Variants in RUFY1 observed in about 807,000 individuals in gnomAD.
The protein encoded by RUFY1 is RUN and FYVE domain-containing protein 1.
Under a neutral mutation model 94.6 loss-of-function variants are expected in RUFY1, and 54 were observed. The ratio of observed to expected loss-of-function variants is 0.57; its 90% confidence interval spans 0.46 to 0.72. RUFY1 has a LOEUF of 0.72. RUFY1 is among the 30% of genes least tolerant of loss of function. The pLI, the probability that RUFY1 is intolerant of heterozygous loss-of-function variation, is 0.00. For synonymous variants in RUFY1, 396 were observed against 347.3 expected (o/e 1.14, Z -1.56); for missense variants, 883 against 883.9 (o/e 1.00, Z 0.01).
chr5:179,591,218 CCT>C (rs1765063019), intron 9 of RUFY1, among the ~76,000 whole-genome samples: 1 of 150,338 alleles, frequency 6.7e-6, no homozygotes, highest in South Asian at 2.1e-4. Context: ...GGAGTCTTGC[CCT>C]GTCGCCCAGG....
At chr5:179,574,432 T>C (rs1763468563) in intron 5 of RUFY1, among the ~76,000 whole-genome samples, 1 of 152,022 alleles carries the variant, frequency 6.6e-6, no homozygotes, top group African/African-American at 2.4e-5. Context: ...AACTGGAAAA[T>C]AGCCTTCCTT....
At chr5:179,561,637 T>TTCATA (rs1762458668) in intron 2 of RUFY1, among the ~76,000 whole-genome samples, 1 of 151,444 alleles carries the variant, frequency 6.6e-6, no homozygotes, top group Non-Finnish European at 1.5e-5. Context: ...GGGGAAGAAT[T>TTCATA]TCATAGTAGA....
intron 8 of RUFY1, among the ~76,000 whole-genome samples, 167 bp downstream of exon 8, chr5:179,586,032 G>C (rs558491766): frequency 1.2e-4 from 19 of 152,278 alleles, no homozygotes; most frequent in African/African-American, 4.6e-4. Context: ...TGCTCTGTCC[G>C]AGGCTCCCAG....
chr5:179,562,420 A>G, intron 2 of RUFY1, 127 bp from the exon 3 acceptor site: 2 of 674,444 alleles, frequency 3.0e-6, no homozygotes, highest in Non-Finnish European at 5.4e-6. Flanking sequence ...AAGATTTTTA[A>G]AAAAGGATTA....
intron 14 of RUFY1, among the ~76,000 whole-genome samples, chr5:179,599,913 C>T (rs1050191737): frequency 2.0e-5 from 3 of 152,172 alleles, no homozygotes; most frequent in South Asian, 4.1e-4. Flanking sequence ...ACGATTCGAG[C>T]GAGTCAGGAA....
At chr5:179,594,822 G>C (rs757153712) in intron 11 of RUFY1, 44 bp from the exon 12 acceptor site, 1 of 1,216,710 alleles carries the variant, frequency 8.2e-7, no homozygotes, top group South Asian at 1.2e-5. Flanking sequence ...CAGGTGCAAG[G>C]ATGTGGGACA....
intron 3 of RUFY1, among the ~76,000 whole-genome samples, chr5:179,565,329 C>G (rs1762763453): frequency 6.6e-6 from 1 of 151,982 alleles, no homozygotes; most frequent in South Asian, 2.1e-4. Flanking sequence ...TAGGCATGAG[C>G]CACCACACCC....
intron 2 of RUFY1, among the ~76,000 whole-genome samples, chr5:179,561,641 T>C (rs564007769): frequency 1.3e-5 from 2 of 149,744 alleles, no homozygotes; most frequent in African/African-American, 2.4e-5. Flanking sequence ...AAGAATTTCA[T>C]AGTAGATGAG....
chr5:179,596,478 T>C (rs1013666697), intron 12 of RUFY1, 84 bp from the exon 13 acceptor site: 1 of 1,546,702 alleles, frequency 6.5e-7, no homozygotes, highest in East Asian at 2.2e-5. Context: ...TATGGTAATT[T>C]TAAAAATGAA....
At chr5:179,569,813 C>T (rs547484412) in intron 5 of RUFY1, among the ~76,000 whole-genome samples, 33 of 152,102 alleles carry the variant, frequency 2.2e-4, no homozygotes, top group African/African-American at 8.0e-4. Flanking sequence ...GGCGCGATCT[C>T]GGCTCCCTGC....
chr5:179,576,567 C>A (rs767907455), intron 5 of RUFY1, among the ~76,000 whole-genome samples: 1 of 152,126 alleles, frequency 6.6e-6, no homozygotes, highest in South Asian at 2.1e-4. Context: ...ATTACAGGCA[C>A]CTGCCACCAT....
chr5:179,567,438 T>C, intron 3 of RUFY1, 23 bp from the exon 4 acceptor site: 1 of 1,574,276 alleles, frequency 6.4e-7, no homozygotes, highest in Non-Finnish European at 8.7e-7. Context: ...GCCACAATAG[T>C]TGATTCTCTG....
rs1765960012 is a variant in RUFY1, at chr5:179,598,735, C to T, written c.1675C>T (p.Gln559Ter). Residue 559 changes from glutamine to a stop codon, truncating the protein, a stop_gained, in exon 14 of 18, where the codon CAG (glutamine) becomes TAG (stop). Transcript: ENST00000319449. LOFTEE classifies it high-confidence loss of function. ...ATTGAAATCAGAAAAAGAGCAAAGA[C>T]AGGCTCTTCAGCGCGAATTACAGCA... ...KELKSEKEQR[Q>*]ALQRELQHEK... 1 of 1,613,968 alleles carries T rather than the reference C, an allele frequency of 6.2e-7. No homozygotes were observed. Among genetic ancestry groups the T allele is most frequent in the African/African-American group, 1.3e-5 (1 of 74,918 alleles).
At chr5:179,561,659 G>A (rs1180340914) in intron 2 of RUFY1, among the ~76,000 whole-genome samples, 1 of 146,440 alleles carries the variant, frequency 6.8e-6, no homozygotes, top group Admixed American at 6.9e-5. Context: ...GAGCCTATAA[G>A]GCAACTGTTT....
intron 2 of RUFY1, among the ~76,000 whole-genome samples, chr5:179,560,611 A>G (rs1405419091): frequency 1.3e-5 from 2 of 150,844 alleles, no homozygotes; most frequent in Non-Finnish European, 3.0e-5. Context: ...CTGTAGTCCC[A>G]GCTACTCGGG....
At chr5:179,565,067 C>A (rs1042015116) in intron 3 of RUFY1, among the ~76,000 whole-genome samples, 4 of 149,788 alleles carry the variant, frequency 2.7e-5, no homozygotes, top group Non-Finnish European at 5.9e-5. Context: ...CGGAAATGAA[C>A]TTAAACAGAG....
At position 179,609,824 on chromosome 5, in the gene RUFY1, ACAG is replaced by A. The variant is rs1767549759; in HGVS notation, c.*309_*311del. ...CTTTTCAAAGAATTTAACCTATTTT[ACAG>A]CAGTTCAGTTCTGCTAGTGAGTAGT... On this transcript the variant is annotated 3_prime_UTR_variant, in exon 18 of 18. Coordinates refer to ENST00000319449, the MANE Select transcript of RUFY1 (RefSeq NM_025158.5). 3.6e-6 allele frequency: 1 copy of A among 276,932 alleles called. No homozygotes were observed. The highest frequency in any genetic ancestry group is 6.8e-6 in the Non-Finnish European group (1 of 147,200). The allele number at this position is 276,932 out of a possible 1,614,324, so 17.2% of individuals were successfully genotyped here.
intron 5 of RUFY1, among the ~76,000 whole-genome samples, chr5:179,571,724 C>T (rs550561865): frequency 6.6e-6 from 1 of 152,296 alleles, no homozygotes; most frequent in East Asian, 1.9e-4. Flanking sequence ...ATGTGATGAG[C>T]ATTCTCAGTC....
At chr5:179,580,563 T>G (rs1764078450) in intron 6 of RUFY1, among the ~76,000 whole-genome samples, 1 of 151,924 alleles carries the variant, frequency 6.6e-6, no homozygotes, top group African/African-American at 2.4e-5. Flanking sequence ...TTTTTTTTTT[T>G]TAATCCAAAC....
Sources: gnomAD v4.1 joint callset for allele counts (sites outside exome capture counted in the v4.1 genomes callset) on GRCh38, gnomAD v4.1.1 for gene constraint, MANE v1.5 for transcripts, NCBI Gene and HGNC (gene_info 2026-07-23, HGNC 2026-07-21) for gene names.